Variants in ZSWIM6 observed in about 807,000 individuals in gnomAD.
ZSWIM6 encodes the protein zinc finger SWIM domain-containing protein 6.
Under a neutral mutation model 113.2 loss-of-function variants are expected in ZSWIM6, and 9 were observed. That is an observed-to-expected ratio of 0.08 (90% CI 0.05 to 0.14). ZSWIM6 has a LOEUF of 0.14. ZSWIM6 is among the 10% of genes least tolerant of loss of function. The pLI is 1.00. For synonymous variants in ZSWIM6, 611 were observed against 606.5 expected (o/e 1.01, Z -0.11); for missense variants, 1,162 against 1,552.2 (o/e 0.75, Z 4.22).
At position 61,355,440 on chromosome 5, in the gene ZSWIM6, ACACACACACACACACACACACAC is replaced by A. The variant is rs1744881494; in HGVS notation, c.676+22493_676+22515del. Reference sequence around the variant, plus strand: ...TCTTGAGAGACTTTAAAACACACACACACACACACACACACACACACACACACACACACACACACACACACACA... The same window carrying A: ...TCTTGAGAGACTTTAAAACACACACAACACACACACACACACACACACACA... On this transcript the variant is annotated intron_variant, in intron 1 of 13. Transcript: ENST00000252744. Among the ~76,000 whole-genome samples the A allele has an allele frequency of 1.2e-3, 49 of 40,526 alleles. 1 individual carries two copies. Among genetic ancestry groups the A allele is most frequent in the African/African-American group, 4.3e-3 (46 of 10,814 alleles). The allele number at this position is 40,526 out of a possible 152,430, so 26.6% of individuals were successfully genotyped here. A position where few individuals can be genotyped will look rare whatever the true frequency, so the allele number is the denominator to read the frequency against.
intron 1 of ZSWIM6, among the ~76,000 whole-genome samples, chr5:61,362,148 C>T (rs370995050): frequency 9.9e-5 from 15 of 151,966 alleles, no homozygotes; most frequent in African/African-American, 3.6e-4. Context: ...AACCCTTCCT[C>T]ATTCATGCCT....
chr5:61,391,547 G>A, intron 1 of ZSWIM6: 1 of 977,438 alleles, frequency 1.0e-6, no homozygotes, highest in South Asian at 1.3e-5. Context: ...TCGCTGATGT[G>A]CTCAGCGAAG....
intron 1 of ZSWIM6, among the ~76,000 whole-genome samples, chr5:61,348,185 C>CA (rs766667375): frequency 1.4e-4 from 22 of 152,008 alleles, no homozygotes; most frequent in Admixed American, 5.9e-4. Context: ...CATGCCACTG[C>CA]CCTCCAGCCT....
chr5:61,463,156 A>G (rs924364747), intron 1 of ZSWIM6, among the ~76,000 whole-genome samples: 1 of 152,208 alleles, frequency 6.6e-6, no homozygotes, highest in Non-Finnish European at 1.5e-5. Flanking sequence ...TAGATTTTTA[A>G]TGAAGATTTT....
chr5:61,539,864 C>A, intron 12 of ZSWIM6, 105 bp downstream of exon 12: 2 of 1,114,724 alleles, frequency 1.8e-6, no homozygotes, highest in South Asian at 1.7e-5. Flanking sequence ...GTAAATGACT[C>A]TTTGGAGTAC....
At chr5:61,435,424 A>G (rs1016220086) in intron 1 of ZSWIM6, among the ~76,000 whole-genome samples, 2 of 152,328 alleles carry the variant, frequency 1.3e-5, no homozygotes, top group African/African-American at 2.4e-5. Flanking sequence ...AACCATCCAA[A>G]TGGAATTTTT....
rs1749303190 is a variant in ZSWIM6 at position 61,526,992 on chromosome 5, T to C, written c.1837+596T>C. On this transcript the variant is annotated intron_variant, in intron 7 of 13. Transcript: ENST00000252744. Reference sequence around the variant, plus strand: ...TAATTTGTACATCAGGACATGTTACTATATTTACTTAAAGTGACCAGAATA... The same window carrying C: ...TAATTTGTACATCAGGACATGTTACCATATTTACTTAAAGTGACCAGAATA... Among the ~76,000 whole-genome samples the C allele has an allele frequency of 2.0e-5, 3 of 152,248 alleles. No homozygotes were observed. In the South Asian group the frequency reaches 6.2e-4, roughly 32 times the overall value.
At chr5:61,428,563 G>T (rs1746511566) in intron 1 of ZSWIM6, among the ~76,000 whole-genome samples, 1 of 151,354 alleles carries the variant, frequency 6.6e-6, no homozygotes, top group Non-Finnish European at 1.5e-5. Flanking sequence ...TATAGACAGG[G>T]TCTGGCTATG....
intron 7 of ZSWIM6, among the ~76,000 whole-genome samples, chr5:61,527,527 T>C (rs1749320162): frequency 6.6e-6 from 1 of 152,196 alleles, no homozygotes; most frequent in Non-Finnish European, 1.5e-5. Context: ...GGGATTGGAA[T>C]GTGAGAGCCC....
In ZSWIM6 at chr5:61,530,048, A is replaced by G. The variant is rs1749389250; in HGVS notation, c.1838-4A>G. 1 of 1,544,498 alleles carries G rather than the reference A, an allele frequency of 6.5e-7. No individual in the cohort carries two copies. The highest frequency in any genetic ancestry group is 8.8e-7 in the Non-Finnish European group (1 of 1,142,736). ...CCATTTCTCAATTCCCTTTCCTTAC[A>G]CAGAGCTACCCCATAAAAACATAAC... On this transcript the variant is annotated splice_polypyrimidine_tract_variant and splice_region_variant and intron_variant, in intron 7 of 13. Transcript: ENST00000252744.
intron 2 of ZSWIM6, among the ~76,000 whole-genome samples, chr5:61,489,185 C>G (rs1748113704): frequency 6.6e-6 from 1 of 151,984 alleles, no homozygotes. Context: ...ACCCTTCTCT[C>G]CTTTCCTGAC....
chr5:61,342,368 T>G (rs1744568171), intron 1 of ZSWIM6, among the ~76,000 whole-genome samples: 3 of 152,238 alleles, frequency 2.0e-5, no homozygotes, highest in Non-Finnish European at 4.4e-5. Context: ...TAAGACCTAC[T>G]GAGAGTATAT....
At chr5:61,401,081 A>G (rs888895621) in intron 1 of ZSWIM6, among the ~76,000 whole-genome samples, 2 of 151,942 alleles carry the variant, frequency 1.3e-5, no homozygotes, top group African/African-American at 4.8e-5. Flanking sequence ...GGTGTTAGCT[A>G]TTTTCCCCCC....
In ZSWIM6 at chr5:61,544,530, A is replaced by G. The variant is rs1276977004; in HGVS notation, c.*213A>G. The G allele has an allele frequency of 4.3e-6, 1 of 235,176 alleles. No homozygotes were observed. Among genetic ancestry groups the G allele is most frequent in the Non-Finnish European group, 8.0e-6 (1 of 124,948 alleles). 14.6% of individuals were successfully genotyped at this position (235,176 alleles called of 1,614,324 possible). ...ATTTCTTTCTTTCCTTTATTTTATTATTTTTTTTAATTTTTTTTTTCTGGT... is the reference window on the plus strand; with the variant it reads ...ATTTCTTTCTTTCCTTTATTTTATTGTTTTTTTTAATTTTTTTTTTCTGGT... On this transcript the variant is annotated 3_prime_UTR_variant, in exon 14 of 14. Coordinates refer to ENST00000252744, the MANE Select transcript of ZSWIM6 (RefSeq NM_020928.2).
chr5:61,544,017 T>C lies in ZSWIM6; in HGVS notation c.3348T>C (p.Pro1116=). The part of the protein sequence containing the change: ...DILRRCTLTT[P]GMVGLHGRRN... Reference sequence around the variant, plus strand: ...TGCGCAGATGCACTCTGACCACTCCTGGCATGGTGGGACTTCATGGGAGGA... The same window carrying C: ...TGCGCAGATGCACTCTGACCACTCCCGGCATGGTGGGACTTCATGGGAGGA... The change falls in exon 14 of 14, where the codon CCT becomes CCC. Residue 1116 remains proline (P), a synonymous_variant. Transcript: ENST00000252744. 2 of 1,552,042 alleles carry C rather than the reference T, an allele frequency of 1.3e-6. No individual in the cohort carries two copies. The highest frequency in any genetic ancestry group is 1.7e-6 in the Non-Finnish European group (2 of 1,147,060).
At position 61,401,687 on chromosome 5, in the gene ZSWIM6, G is replaced by T. The variant is rs1369644824; in HGVS notation, c.676+68739G>T. On this transcript the variant is annotated intron_variant, in intron 1 of 13. Transcript: ENST00000252744. ...AAGAGAGGTATCCAGATTTGACATG[G>T]AGGTAGTTTATAGGGTAGGCCACAT... Among the ~76,000 whole-genome samples, 4 of 152,240 alleles carry T rather than the reference G, an allele frequency of 2.6e-5. No homozygotes were observed. The East Asian group carries it at 7.7e-4, about 29-fold the overall frequency.
intron 1 of ZSWIM6, among the ~76,000 whole-genome samples, chr5:61,425,985 A>G (rs911719650): frequency 1.3e-5 from 2 of 152,242 alleles, no homozygotes; most frequent in African/African-American, 2.4e-5. Flanking sequence ...CAGGATAGCT[A>G]TCTTTCTTCC....
chr5:61,540,742 C>A (rs1245951007), intron 12 of ZSWIM6, among the ~76,000 whole-genome samples: 1 of 151,932 alleles, frequency 6.6e-6, no homozygotes, highest in Non-Finnish European at 1.5e-5. Context: ...TTAACATGAG[C>A]TCTCTTGTTA....
At chr5:61,337,968 G>A (rs1387746458) in intron 1 of ZSWIM6, among the ~76,000 whole-genome samples, 4 of 151,258 alleles carry the variant, frequency 2.6e-5, no homozygotes, top group Non-Finnish European at 5.9e-5. Flanking sequence ...GTTCGCATAT[G>A]TGTGTGTGTG....
Sources: allele counts gnomAD v4.1 joint callset (sites outside exome capture counted in the v4.1 genomes callset), GRCh38; gene constraint gnomAD v4.1.1; transcripts MANE v1.5; gene names NCBI Gene and HGNC (gene_info 2026-07-23, HGNC 2026-07-21).